ZNF234: variants seen among roughly 807,000 people sequenced by gnomAD.
ZNF234 encodes the protein zinc finger protein 234, also known as C2-H2 type zinc finger protein.
ZNF234 carries 4 observed loss-of-function variants against 10.3 expected under a neutral mutation model. That is an observed-to-expected ratio of 0.39 (90% CI 0.19 to 0.89). The LOEUF is 0.89. Among genes scored for constraint, ZNF234 ranks in the 40% least tolerant of loss-of-function variants. The pLI, the probability that ZNF234 is intolerant of heterozygous loss-of-function variation, is 0.38. For synonymous variants in ZNF234, 258 were observed against 280.1 expected, an observed-to-expected ratio of 0.92 and a Z score of 0.79; for missense variants, 711 against 836.1, an observed-to-expected ratio of 0.85 and a Z score of 1.85.
In ZNF234 at chr19:44,158,439, T is replaced by C. The variant is rs981817603; in HGVS notation, c.*320T>C. On this transcript the variant is annotated 3_prime_UTR_variant, in exon 6 of 6. Coordinates refer to ENST00000426739, the MANE Select transcript of ZNF234 (RefSeq NM_006630.3). ...TTGTATTTTTAGTAGAGATGGAGTTTCACCATACTGGCCAGGCTGGTCTCA... is the reference window on the plus strand; with the variant it reads ...TTGTATTTTTAGTAGAGATGGAGTTCCACCATACTGGCCAGGCTGGTCTCA... 3 of 359,774 alleles carry C rather than the reference T, an allele frequency of 8.3e-6. No homozygotes were observed. Among genetic ancestry groups the C allele is most frequent in the Non-Finnish European group, 1.6e-5 (3 of 188,246 alleles). The allele number at this position is 359,774 out of a possible 1,614,324, so 22.3% of individuals were successfully genotyped here. A position where few individuals can be genotyped will look rare whatever the true frequency, so the allele number is the denominator to read the frequency against.
rs373258157 is a variant in ZNF234 at position 44,156,426 on chromosome 19, G to A, written c.410G>A (p.Gly137Glu). ...QGDLSCQVRA[G>E]LYTTHTGQKF... ...GATTTGTCCTGCCAGGTTAGGGCAGGACTATATACAACTCACACAGGACAG... is the reference window on the plus strand; with the variant it reads ...GATTTGTCCTGCCAGGTTAGGGCAGAACTATATACAACTCACACAGGACAG... Residue 137 changes from glycine (G) to glutamate (E), a missense_variant, in exon 6 of 6, where the codon GGA (glycine) becomes GAA (glutamate). By Grantham distance (98) the Gly-to-Glu change is moderately conservative (BLOSUM62 -2). Transcript: ENST00000426739. The A allele has an allele frequency of 8.7e-6, 14 of 1,613,520 alleles. No homozygotes were observed. The African/African-American group carries it at 1.6e-4, about 18-fold the overall frequency.
intron 3 of ZNF234, among the ~76,000 whole-genome samples, chr19:44,145,080 G>A (rs1057280737): frequency 1.3e-5 from 2 of 152,086 alleles, no homozygotes; most frequent in Non-Finnish European, 1.5e-5. Flanking sequence ...TTCCCCAAGC[G>A]TATTGAGCGA....
chr19:44,148,921 C>T, intron 4 of ZNF234, 24 bp downstream of exon 4: 1 of 1,605,300 alleles, frequency 6.2e-7, no homozygotes, highest in African/African-American at 1.3e-5. Flanking sequence ...CTTTCTAACA[C>T]TCAATGTCAG....
chr19:44,151,936 G>A (rs1968753818), intron 5 of ZNF234, among the ~76,000 whole-genome samples: 1 of 152,116 alleles, frequency 6.6e-6, no homozygotes, highest in Non-Finnish European at 1.5e-5. Flanking sequence ...GTCATAACCT[G>A]ACATATTCTT....
At chr19:44,144,293 C>A (rs1051029985) in intron 2 of ZNF234, among the ~76,000 whole-genome samples, 3 of 152,196 alleles carry the variant, frequency 2.0e-5, no homozygotes, top group Admixed American at 1.3e-4. Context: ...TTCTTTCACT[C>A]AGCATAGTGT....
In ZNF234 at chr19:44,159,404, T is replaced by C; in HGVS notation, c.*1285T>C. 4.0e-6 allele frequency: 1 copy of C among 247,300 alleles called. No individual in the cohort carries two copies. 15.3% of individuals were successfully genotyped at this position (247,300 alleles called of 1,614,324 possible). On this transcript the variant is annotated 3_prime_UTR_variant, in exon 6 of 6. Coordinates refer to ENST00000426739, the MANE Select transcript of ZNF234 (RefSeq NM_006630.3). ...ATTGCCCAGGCTGGTCTTGAACACC[T>C]GAGCTCAAGCAATCCAACCTCCTTG...
intron 5 of ZNF234, among the ~76,000 whole-genome samples, chr19:44,153,994 A>G (rs1284884474): frequency 6.6e-6 from 1 of 152,258 alleles, no homozygotes; most frequent in Non-Finnish European, 1.5e-5. Flanking sequence ...CATACATTAA[A>G]CAACCAGTAA....
Position 44,156,224 on chromosome 19 carries a change from C to T in ZNF234, c.236-28C>T, listed in dbSNP as rs371459497. On this transcript the variant is annotated intron_variant, in intron 5 of 5. Coordinates refer to ENST00000426739, the MANE Select transcript of ZNF234 (RefSeq NM_006630.3). ...TCTTGAAAACTTTTAACAGAGCCTC[C>T]ACATCTCTGAATTCTCTGTCCTTAC... 5 of 1,522,058 alleles carry T rather than the reference C, an allele frequency of 3.3e-6. No homozygotes were observed. In the African/African-American group the frequency reaches 4.2e-5, roughly 13 times the overall value. 94.3% of individuals were successfully genotyped at this position (1,522,058 alleles called of 1,614,324 possible).
Position 44,159,281 on chromosome 19 carries a change from C to T in ZNF234, c.*1162C>T, listed in dbSNP as rs992762418. On this transcript the variant is annotated 3_prime_UTR_variant, in exon 6 of 6. Transcript: ENST00000426739. Reference sequence around the variant, plus strand: ...CAGCCTCGTCCTCCCAGGCTCCATCCATCTGCCCATCTCTCCCTCTGAGTA... The same window carrying T: ...CAGCCTCGTCCTCCCAGGCTCCATCTATCTGCCCATCTCTCCCTCTGAGTA... 1 of 164,168 alleles carries T rather than the reference C, an allele frequency of 6.1e-6. No homozygotes were observed. The allele number at this position is 164,168 out of a possible 1,614,324, so 10.2% of individuals were successfully genotyped here. A position where few individuals can be genotyped will look rare whatever the true frequency, so the allele number is the denominator to read the frequency against.
chr19:44,156,413 C>T lies in ZNF234; in HGVS notation c.397C>T (p.Gln133Ter), dbSNP rs560743601. 1.3e-5 allele frequency: 21 copies of T among 1,613,230 alleles called. No homozygotes were observed. In the East Asian group the frequency reaches 2.9e-4, roughly 22 times the overall value. The change falls in exon 6 of 6, where the codon CAG becomes TAG. Residue 133 changes from glutamine to a stop codon, truncating the protein, a stop_gained. Coordinates refer to ENST00000426739, the MANE Select transcript of ZNF234 (RefSeq NM_006630.3). LOFTEE classifies it low-confidence loss of function (END_TRUNC). The stretch of plus-strand genomic sequence containing the variant: ...CCCCAGACAAGGTGATTTGTCCTGC[C>T]AGGTTAGGGCAGGACTATATACAAC... ...RFPRQGDLSC[Q>*]VRAGLYTTHT... is the part of the protein sequence containing the mutation.
At chr19:44,147,881 G>A (rs1968640245) in intron 3 of ZNF234, among the ~76,000 whole-genome samples, 1 of 151,802 alleles carries the variant, frequency 6.6e-6, no homozygotes, top group African/African-American at 2.4e-5. Context: ...AGGAAAGAAA[G>A]TAAGATCTAC....
chr19:44,148,367 G>A (rs145597309), intron 3 of ZNF234, among the ~76,000 whole-genome samples: 50 of 152,270 alleles, frequency 3.3e-4, no homozygotes, highest in African/African-American at 1.2e-3. Flanking sequence ...TAATGAAAAG[G>A]GATAGCATCC....
Position 44,144,603 on chromosome 19 carries a change from C to T in ZNF234, c.-30C>T. 1 of 1,561,124 alleles carries T rather than the reference C, an allele frequency of 6.4e-7. No homozygotes were observed. Among genetic ancestry groups the T allele is most frequent in the Non-Finnish European group, 8.7e-7 (1 of 1,149,652 alleles). On this transcript the variant is annotated 5_prime_UTR_variant, in exon 3 of 6. Transcript: ENST00000426739. ...TTCTCTCAAATGGCATAACTCAGGA[C>T]TCTGCAAATTCCCAGAAACAGGAGG...
At position 44,157,299 on chromosome 19, in the gene ZNF234, A is replaced by G. The variant is rs756460513; in HGVS notation, c.1283A>G (p.Tyr428Cys). The G allele has an allele frequency of 3.3e-5, 54 of 1,613,934 alleles. No individual in the cohort carries two copies. The Admixed American group carries it at 9.0e-4, about 27-fold the overall frequency. Residue 428 changes from tyrosine to cysteine, a missense_variant, in exon 6 of 6, where the codon TAT becomes TGT. Physicochemically the swap from Tyr to Cys is radical, Grantham distance 194. Transcript: ENST00000426739. ...GTAGTCCACACAGGGGAAAAACCCT[A>G]TAAATGTGAAGTATGTGGTAAAGCC... The part of the protein sequence containing the change: ...HLVVHTGEKP[Y>C]KCEVCGKAFR...
chr19:44,150,686 G>A (rs76201951), intron 5 of ZNF234, among the ~76,000 whole-genome samples, 181 bp downstream of exon 5: 1,720 of 152,144 alleles, frequency 0.011, 29 homozygotes, highest in African/African-American at 0.039. Flanking sequence ...TCCTACAGGC[G>A]TTCTCCATAT....
chr19:44,148,950 T>G, intron 4 of ZNF234, 53 bp downstream of exon 4: 4 of 1,572,718 alleles, frequency 2.5e-6, no homozygotes, highest in Non-Finnish European at 3.5e-6. Context: ...AGTGATTTTG[T>G]GTCTTCAGGG....
At chr19:44,151,382 T>C (rs998609518) in intron 5 of ZNF234, among the ~76,000 whole-genome samples, 5 of 151,976 alleles carry the variant, frequency 3.3e-5, no homozygotes, top group African/African-American at 4.8e-5. Flanking sequence ...TTTGTATTTT[T>C]TATAGAGACA....
intron 5 of ZNF234, among the ~76,000 whole-genome samples, chr19:44,152,218 C>G (rs768757317): frequency 6.6e-6 from 1 of 152,150 alleles, no homozygotes; most frequent in Admixed American, 6.5e-5. Flanking sequence ...CTTGTCCCCT[C>G]TCTCTCCCCA....
At position 44,157,691 on chromosome 19, in the gene ZNF234, C is replaced by T; in HGVS notation, c.1675C>T (p.Gln559Ter). ...FSRSAHLQAH[Q>*]KVHTGEKPYK... The stretch of plus-strand genomic sequence containing the variant: ...TCGGAGTGCACACCTTCAAGCCCAT[C>T]AAAAAGTCCACACTGGAGAAAAGCC... The change falls in exon 6 of 6, where the codon CAA (glutamine) becomes TAA (stop). Residue 559 changes from glutamine (Q) to a stop codon, truncating the protein, a stop_gained. Coordinates refer to ENST00000426739, the MANE Select transcript of ZNF234 (RefSeq NM_006630.3). LOFTEE classifies it low-confidence loss of function (END_TRUNC). 1 of 1,613,912 alleles carries T rather than the reference C, an allele frequency of 6.2e-7. No homozygotes were observed. The highest frequency in any genetic ancestry group is 1.6e-4 in the Middle Eastern group (1 of 6,062).
Sources: allele counts gnomAD v4.1 joint callset (sites outside exome capture counted in the v4.1 genomes callset), GRCh38; gene constraint gnomAD v4.1.1; transcripts MANE v1.5; gene names NCBI Gene and HGNC (gene_info 2026-07-23, HGNC 2026-07-21).